Variants in GLB1 observed in about 807,000 individuals in gnomAD.
GLB1 encodes galactosidase beta 1, also known as beta-galactosidase.
Under a neutral mutation model 74.0 loss-of-function variants are expected in GLB1, and 56 were observed. That is an observed-to-expected ratio of 0.76 (90% CI 0.61 to 0.94). GLB1 has a LOEUF of 0.94. Among genes scored for constraint, GLB1 ranks in the 40% least tolerant of loss-of-function variants. GLB1 has a pLI of 0.00. For missense variants in GLB1, 787 were observed against 845.5 expected (o/e 0.93, Z 0.86); for synonymous variants, 323 against 323.6 (o/e 1.00, Z 0.02).
chr3:32,974,149 C>T, the GLB1 span, among the ~76,000 whole-genome samples: 16 of 152,164 alleles, frequency 1.1e-4, no homozygotes, highest in African/African-American at 1.7e-4. Context: ...CTGTGGTATG[C>T]GCAAACCATT....
chr3:33,068,563 T>C (rs2125548275), intron 3 of GLB1, among the ~76,000 whole-genome samples: 1 of 152,274 alleles, frequency 6.6e-6, no homozygotes, highest in South Asian at 2.1e-4. Context: ...GTGACGTAGA[T>C]AGAGAAGACA....
At chr3:33,003,193 C>A (rs1696648814) in intron 15 of GLB1, among the ~76,000 whole-genome samples, 1 of 152,160 alleles carries the variant, frequency 6.6e-6, no homozygotes, top group African/African-American at 2.4e-5. Context: ...CCATCAAATG[C>A]ATAAAATAAC....
At chr3:33,053,828 C>A (rs1004001575) in intron 6 of GLB1, among the ~76,000 whole-genome samples, 3 of 152,070 alleles carry the variant, frequency 2.0e-5, no homozygotes, top group African/African-American at 7.2e-5. Context: ...ACCTGGCCAA[C>A]ATGGTGAAAC....
At chr3:33,042,260 C>T (rs1698531416) in intron 10 of GLB1, among the ~76,000 whole-genome samples, 1 of 152,018 alleles carries the variant, frequency 6.6e-6, no homozygotes, top group East Asian at 1.9e-4. Context: ...CTCTGCTCAA[C>T]TCCTCAATGG....
intron 5 of GLB1, among the ~76,000 whole-genome samples, chr3:33,058,885 C>T (rs749395373): frequency 2.0e-4 from 31 of 152,256 alleles, no homozygotes; most frequent in Non-Finnish European, 3.4e-4. Flanking sequence ...TTTATTTGAC[C>T]TGCTGTCACA....
rs369203167 is a variant in GLB1 at position 33,093,604 on chromosome 3, G to A, written c.75+3407C>T. 2.5e-6 allele frequency: 4 copies of A among 1,614,058 alleles called. No individual in the cohort carries two copies. In the African/African-American group the frequency reaches 4.0e-5, roughly 16 times the overall value. Reference sequence around the variant, plus strand: ...TTGTTCATTGAGGCAGGCAGCTGATGGATGGGCACCTCCACAGTTTTCACA... The same window carrying A: ...TTGTTCATTGAGGCAGGCAGCTGATAGATGGGCACCTCCACAGTTTTCACA... On this transcript the variant is annotated intron_variant, in intron 1 of 15. Transcript: ENST00000307363. This position sits in a 1 kb window ranked among gnomAD's most constrained non-coding sequence, Gnocchi z 6.0.
At chr3:33,064,632 C>T (rs915680192) in intron 5 of GLB1, among the ~76,000 whole-genome samples, 4 of 151,580 alleles carry the variant, frequency 2.6e-5, no homozygotes, top group African/African-American at 7.3e-5. Flanking sequence ...CAAAAATTAG[C>T]CAGGCATGGT....
chr3:32,980,238 T>C, the GLB1 span, among the ~76,000 whole-genome samples: 333 of 152,328 alleles, frequency 2.2e-3, no homozygotes, highest in African/African-American at 7.6e-3. Flanking sequence ...TTTTTTAAAA[T>C]ACAAGATCTT....
rs77226678 is a variant in GLB1, at chr3:32,997,255, C to G, written c.1824G>C (p.Leu608=). The G allele has an allele frequency of 0.02, 32,533 of 1,614,126 alleles. 4,368 individuals carry two copies. The East Asian group carries it at 0.41, about 20-fold the overall frequency. ...QLTLFVPQHI[L]MTSAPNTITV... ...TGATGGTGTTTGGGGCCGAGGTCATCAGGATGTGCTGGGGCACAAACAAGG... is the reference window on the plus strand; with the variant it reads ...TGATGGTGTTTGGGGCCGAGGTCATGAGGATGTGCTGGGGCACAAACAAGG... The change falls in exon 16 of 16, where the codon CTG becomes CTC. Residue 608 remains leucine (L), a synonymous_variant. Transcript: ENST00000307363.
At chr3:33,055,464 T>C (rs1203848724) in intron 6 of GLB1, among the ~76,000 whole-genome samples, 2 of 148,066 alleles carry the variant, frequency 1.4e-5, no homozygotes, top group Non-Finnish European at 3.0e-5. Flanking sequence ...TCTTTTCTTT[T>C]TTTTTTTTTT....
At chr3:33,008,335 G>A (rs1335275449) in intron 15 of GLB1, among the ~76,000 whole-genome samples, 4 of 152,182 alleles carry the variant, frequency 2.6e-5, no homozygotes. Flanking sequence ...CTGACAAAAT[G>A]CAGGTAGAGG....
chr3:33,042,469 G>A (rs34558646), intron 10 of GLB1, among the ~76,000 whole-genome samples: 53 of 147,014 alleles, frequency 3.6e-4, no homozygotes, highest in Non-Finnish European at 6.5e-4. Flanking sequence ...CCGGGTTCAC[G>A]CCATTCTTCT....
intron 9 of GLB1, among the ~76,000 whole-genome samples, chr3:33,050,105 A>C (rs983358942): frequency 6.6e-6 from 1 of 152,258 alleles, no homozygotes; most frequent in Admixed American, 6.5e-5. Context: ...GCGAAAAGCC[A>C]GTACAGCATC....
chr3:33,054,002 C>G (rs58522791), intron 6 of GLB1, among the ~76,000 whole-genome samples: 12,152 of 151,640 alleles, frequency 0.08, 1,121 homozygotes, highest in East Asian at 0.47. Flanking sequence ...AACAGAGTGA[C>G]ACTCCATCTC....
At chr3:33,042,389 T>TTTTTTTTTA (rs1553609327) in intron 10 of GLB1, among the ~76,000 whole-genome samples, 1 of 146,634 alleles carries the variant, frequency 6.8e-6, no homozygotes, top group African/African-American at 2.5e-5. Context: ...TTTTTTTTTT[T>TTTTTTTTTA]CCAAGTCTCG....
chr3:33,037,436 A>C (rs141008308), intron 10 of GLB1, among the ~76,000 whole-genome samples: 10 of 152,360 alleles, frequency 6.6e-5, no homozygotes, highest in African/African-American at 2.4e-4. Context: ...ATCTGTTTAG[A>C]AAATAAATAA....
At chr3:33,056,227 CAAAAAAAAAAAAAA>C (rs10559091) in intron 6 of GLB1, among the ~76,000 whole-genome samples, 3 of 48,592 alleles carry the variant, frequency 6.2e-5, no homozygotes, top group Non-Finnish European at 1.1e-4. Flanking sequence ...AACTCCACCT[CAAAAAAAAAAAAAA>C]AAAAAAAAAA....
intron 10 of GLB1, among the ~76,000 whole-genome samples, chr3:33,031,488 A>G (rs1046191644): frequency 8.6e-5 from 13 of 151,262 alleles, no homozygotes; most frequent in African/African-American, 3.1e-4. Context: ...TACTAAAAAT[A>G]CAAAAATTAG....
intron 10 of GLB1, among the ~76,000 whole-genome samples, chr3:33,033,197 G>C (rs1197293900): frequency 1.3e-5 from 2 of 152,198 alleles, no homozygotes; most frequent in East Asian, 1.9e-4. Context: ...TACATGGGTT[G>C]TGGAGAAGCA....
Sources: gnomAD v4.1 joint callset for allele counts (sites outside exome capture counted in the v4.1 genomes callset) on GRCh38, gnomAD v4.1.1 for gene constraint, Gnocchi (gnomAD v3.1) non-coding constraint, MANE v1.5 for transcripts, NCBI Gene and HGNC (gene_info 2026-07-23, HGNC 2026-07-21) for gene names.